PIP4P1: variants seen among roughly 807,000 people sequenced by gnomAD.
The protein encoded by PIP4P1 is type 1 phosphatidylinositol 4,5-bisphosphate 4-phosphatase.
PIP4P1 carries 14 observed loss-of-function variants against 32.3 expected under a neutral mutation model. The observed-to-expected ratio is 0.43, with a 90% CI of 0.29 to 0.68. The LOEUF (loss-of-function observed/expected upper bound fraction) is 0.68, where lower values mean the gene tolerates loss of function less well. Among genes scored for constraint, PIP4P1 ranks in the 30% least tolerant of loss-of-function variants. The probability of loss-of-function intolerance (pLI) is 0.15; values close to 1 mark genes in which losing one functional copy is unlikely to be tolerated. For synonymous variants in PIP4P1, 132 were observed against 137.9 expected, an observed-to-expected ratio of 0.96 and a Z score of 0.30; for missense variants, 289 against 364.5, an observed-to-expected ratio of 0.79 and a Z score of 1.69.
Position 20,460,778 on chromosome 14 carries a change from G to A in PIP4P1, c.210C>T (p.Pro70=), listed in dbSNP as rs147913273. The change falls in exon 2 of 7, where the codon CCC becomes CCT. Residue 70 remains proline (P), a synonymous_variant. Transcript: ENST00000250489. ...CACTCCCACTGTCCGGGCTAGTTAA[G>A]GGTGAATAGGGGGGTGGGTCCTCCC... is the stretch of plus-strand genomic sequence containing the variant. ...LPGEDPPPYS[P]LTSPDSGSAP... is the part of the protein sequence containing the mutation. 1,460 of 1,605,626 alleles carry A rather than the reference G, an allele frequency of 9.1e-4. No homozygotes were observed. The highest frequency in any genetic ancestry group is 1.2e-3 in the Non-Finnish European group (1,386 of 1,176,126).
chr14:20,459,518 A>G (rs1881618084), intron 4 of PIP4P1, 78 bp from the exon 5 acceptor site: 2 of 1,588,508 alleles, frequency 1.3e-6, no homozygotes, highest in Admixed American at 3.3e-5. Flanking sequence ...GATGCAGAAC[A>G]TGTTCCCATA....
chr14:20,461,333 A>C lies in PIP4P1; in HGVS notation c.-8T>G. 7.8e-7 allele frequency: 1 copy of C among 1,281,204 alleles called. No homozygotes were observed. The highest frequency in any genetic ancestry group is 9.9e-7 in the Non-Finnish European group (1 of 1,014,728). The allele number at this position is 1,281,204 out of a possible 1,614,324, so 79.4% of individuals were successfully genotyped here. On this transcript the variant is annotated 5_prime_UTR_variant, in exon 1 of 7. Coordinates refer to ENST00000250489, the MANE Select transcript of PIP4P1 (RefSeq NM_144568.4). The stretch of plus-strand genomic sequence containing the variant: ...CTCTCCATCTGCCGCCATGGCCGCC[A>C]CCGCCGCCTCCCGCTCAGGTCGGCG...
intron 6 of PIP4P1, 173 bp downstream of exon 6, chr14:20,459,027 TGTAGTA>T (rs1214833117): frequency 2.1e-5 from 14 of 664,816 alleles, no homozygotes; most frequent in Non-Finnish European, 2.6e-6. Context: ...TTTTCACTCT[TGTAGTA>T]GTAATAAAGT....
chr14:20,459,780 A>T, intron 3 of PIP4P1, 47 bp from the exon 4 acceptor site: 1 of 1,517,540 alleles, frequency 6.6e-7, no homozygotes, highest in Non-Finnish European at 9.1e-7. Flanking sequence ...TGTTTGAAAA[A>T]TTTTTAATCC....
rs1881528579 is a variant in PIP4P1, at chr14:20,458,225, T to C, written c.*334A>G. On this transcript the variant is annotated 3_prime_UTR_variant, in exon 7 of 7. Coordinates refer to ENST00000250489, the MANE Select transcript of PIP4P1 (RefSeq NM_144568.4). ...AGGGCTACCCACCCCCACCCTGCCCTGGAATGTGTAAGGGACAGGAATGGC... is the reference window on the plus strand; with the variant it reads ...AGGGCTACCCACCCCCACCCTGCCCCGGAATGTGTAAGGGACAGGAATGGC... 5 of 436,622 alleles carry C rather than the reference T, an allele frequency of 1.1e-5. No individual in the cohort carries two copies. Among genetic ancestry groups the C allele is most frequent in the East Asian group, 7.3e-5 (1 of 13,654 alleles). 27.0% of individuals were successfully genotyped at this position (436,622 alleles called of 1,614,324 possible).
Position 20,458,534 on chromosome 14 carries a change from A to G in PIP4P1, c.*25T>C, listed in dbSNP as rs765043468. The G allele has an allele frequency of 1.3e-4, 215 of 1,610,468 alleles. No individual in the cohort carries two copies. Among genetic ancestry groups the G allele is most frequent in the Non-Finnish European group, 1.6e-4 (193 of 1,178,096 alleles). ...TCACTGTCCCCACCAGGGAGGGGCC[A>G]GGCACAGTCTGTGGGTCATCAGGCT... On this transcript the variant is annotated 3_prime_UTR_variant, in exon 7 of 7. Transcript: ENST00000250489.
chr14:20,459,121 C>CT, intron 6 of PIP4P1, 85 bp downstream of exon 6: 457 of 1,420,952 alleles, frequency 3.2e-4, no homozygotes, highest in Non-Finnish European at 3.9e-4. Context: ...GTTTCTTCCA[C>CT]TTTTTTTTAG....
intron 3 of PIP4P1, 149 bp from the exon 4 acceptor site, chr14:20,459,882 C>A (rs1301122345): frequency 6.2e-6 from 4 of 649,014 alleles, no homozygotes; most frequent in Non-Finnish European, 8.0e-6. Flanking sequence ...TGTCCCCCAA[C>A]TGTATACCCT....
intron 6 of PIP4P1, 100 bp downstream of exon 6, chr14:20,459,103 TCCC>T: frequency 8.2e-7 from 1 of 1,215,470 alleles, no homozygotes. Flanking sequence ...AACAAACTAG[TCCC>T]CCAAGTTTCT....
intron 6 of PIP4P1, 89 bp downstream of exon 6, chr14:20,459,117 T>C (rs1881592558): frequency 2.2e-6 from 3 of 1,392,084 alleles, no homozygotes; most frequent in South Asian, 2.5e-5. Context: ...CCAAGTTTCT[T>C]CCACTTTTTT....
intron 1 of PIP4P1, 151 bp downstream of exon 1, chr14:20,461,033 G>C: frequency 1.6e-6 from 2 of 1,270,290 alleles, no homozygotes; most frequent in Non-Finnish European, 1.0e-6. Context: ...ACGGAGGGAA[G>C]GAAGCCTCGC....
chr14:20,458,781 C>G (rs1158570794), intron 6 of PIP4P1, 79 bp from the exon 7 acceptor site: 1 of 1,521,970 alleles, frequency 6.6e-7, no homozygotes. Context: ...GTTCTAAGAA[C>G]AGTAATAACT....
At position 20,460,795 on chromosome 14, in the gene PIP4P1, G is replaced by A. The variant is rs1275919909; in HGVS notation, c.193C>T (p.Pro65Ser). The part of the protein sequence containing the change: ...GHPAVLPGED[P>S]PPYSPLTSPD... ...CTAGTTAAGGGTGAATAGGGGGGTG[G>A]GTCCTCCCCAGGCAACACGGCTGGA... Residue 65 changes from proline (P) to serine (S), a missense_variant, in exon 2 of 7, where the codon CCA becomes TCA. By Grantham distance (74) the Pro-to-Ser change is moderately conservative. Coordinates refer to ENST00000250489, the MANE Select transcript of PIP4P1 (RefSeq NM_144568.4). The A allele has an allele frequency of 1.9e-6, 3 of 1,594,594 alleles. No individual in the cohort carries two copies. Among genetic ancestry groups the A allele is most frequent in the Non-Finnish European group, 2.6e-6 (3 of 1,171,500 alleles).
At position 20,460,774 on chromosome 14, in the gene PIP4P1, T is replaced by G. The variant is rs759159932; in HGVS notation, c.214A>C (p.Thr72Pro). The change falls in exon 2 of 7, where the codon ACT becomes CCT. Residue 72 changes from threonine to proline, a missense_variant. Physicochemically the swap from Thr to Pro is conservative, Grantham distance 38. Transcript: ENST00000250489. ...GGGGCACTCCCACTGTCCGGGCTAG[T>G]TAAGGGTGAATAGGGGGGTGGGTCC... ...GEDPPPYSPL[T>P]SPDSGSAPMI... The G allele has an allele frequency of 6.2e-7, 1 of 1,608,304 alleles. No individual in the cohort carries two copies. The highest frequency in any genetic ancestry group is 1.1e-5 in the South Asian group (1 of 90,364).
rs1881550751 is a variant in PIP4P1 at position 20,458,495 on chromosome 14, C to T, written c.*64G>A. On this transcript the variant is annotated 3_prime_UTR_variant, in exon 7 of 7. Transcript: ENST00000250489. The stretch of plus-strand genomic sequence containing the variant: ...CCCCGGGAGCCTTTAACTACCCCAG[C>T]TCCCTTCGTAGTGTCACTGTCCCCA... 1 of 1,603,268 alleles carries T rather than the reference C, an allele frequency of 6.2e-7. No homozygotes were observed. The highest frequency in any genetic ancestry group is 8.5e-7 in the Non-Finnish European group (1 of 1,174,582).
In PIP4P1 at chr14:20,460,656, G is replaced by A; in HGVS notation, c.332C>T (p.Thr111Ile). 1 of 1,613,400 alleles carries A rather than the reference G, an allele frequency of 6.2e-7. No homozygotes were observed. Among genetic ancestry groups the A allele is most frequent in the Non-Finnish European group, 8.5e-7 (1 of 1,179,912 alleles). The change falls in exon 2 of 7, where the codon ACC (threonine) becomes ATC (isoleucine). Residue 111 changes from threonine to isoleucine, a missense_variant and splice_region_variant. By Grantham distance (89) the Thr-to-Ile change is moderately conservative (BLOSUM62 -1). This residue lies in a region of PIP4P1 where 181 missense variants were observed against 263.3 expected (regional missense o/e 0.69). Transcript: ENST00000250489. ...ATTTCATAGATATGTGTAACTCACG[G>A]TGGCTTCATTGCAGACACCACATTT... ...VVKCGVCNEA[T>I]PIKNAPPGKK...
At chr14:20,460,413 A>C in intron 2 of PIP4P1, 115 bp from the exon 3 acceptor site, 1 of 842,024 alleles carries the variant, frequency 1.2e-6, no homozygotes, top group Admixed American at 2.8e-5. Flanking sequence ...AAGGAGAAAT[A>C]AAAGAAAGAC....
rs1566516514 is a variant in PIP4P1, at chr14:20,458,147, G to A, written c.*412C>T. The stretch of plus-strand genomic sequence containing the variant: ...GAGGCCAGAGCCAACCTCTGGTGAA[G>A]TGCAATAGCAGCAGCAAAGTCCTAA... On this transcript the variant is annotated 3_prime_UTR_variant, in exon 7 of 7. Coordinates refer to ENST00000250489, the MANE Select transcript of PIP4P1 (RefSeq NM_144568.4). The A allele has an allele frequency of 5.3e-6, 2 of 378,310 alleles. No homozygotes were observed. The highest frequency in any genetic ancestry group is 7.1e-5 in the East Asian group (1 of 14,182). 23.4% of individuals were successfully genotyped at this position (378,310 alleles called of 1,614,324 possible).
In PIP4P1 at chr14:20,458,654, A is replaced by G; in HGVS notation, c.739T>C (p.Trp247Arg). ...ACAGCCAACAGGATGACAAATGCCC[A>G]GGCTGCATAGATGCCTCCATATCGC... ...ARRYGGIYAA[W>R]AFVILLAVLC... is the part of the protein sequence containing the mutation. The change falls in exon 7 of 7, where the codon TGG becomes CGG. Residue 247 changes from tryptophan to arginine, a missense_variant. Trp to Arg is a moderately radical substitution (Grantham distance 101). This residue lies in a region of PIP4P1 where 181 missense variants were observed against 263.3 expected (regional missense o/e 0.69). Transcript: ENST00000250489. The G allele has an allele frequency of 1.2e-6, 2 of 1,614,242 alleles. No individual in the cohort carries two copies. Among genetic ancestry groups the G allele is most frequent in the Non-Finnish European group, 1.7e-6 (2 of 1,180,036 alleles).
Sources: allele counts gnomAD v4.1 joint callset, GRCh38; gene constraint gnomAD v4.1.1; regional missense constraint gnomAD v4.1.1; transcripts MANE v1.5; gene names NCBI Gene and HGNC (gene_info 2026-07-23, HGNC 2026-07-21).